The following DGLUCY variants were observed in gnomAD, a reference collection of about 807,000 sequenced individuals.
DGLUCY encodes D-glutamate cyclase, mitochondrial.
A neutral mutation model predicts 58.5 loss-of-function variants in DGLUCY; 58 were observed. That is an observed-to-expected ratio of 0.99 (90% confidence interval 0.80 to 1.23). The LOEUF (loss-of-function observed/expected upper bound fraction) is 1.23. DGLUCY is among the 50% of genes most tolerant of loss of function. The probability of loss-of-function intolerance (pLI) is 0.00; values close to 1 mark genes in which losing one functional copy is unlikely to be tolerated. For synonymous variants in DGLUCY, 325 were observed against 314.1 expected, an observed-to-expected ratio of 1.03 and a Z score of -0.37; for missense variants, 779 against 784.7, an observed-to-expected ratio of 0.99 and a Z score of 0.09.
intron 6 of DGLUCY, among the ~76,000 whole-genome samples, chr14:91,174,229 C>T (rs919962509): frequency 2.0e-5 from 3 of 151,658 alleles, no homozygotes; most frequent in Non-Finnish European, 2.9e-5. Flanking sequence ...AAGCTCCGCA[C>T]CCCTTCCCCC....
At chr14:91,200,930 G>T (rs1307059165) in intron 11 of DGLUCY, among the ~76,000 whole-genome samples, 1 of 151,336 alleles carries the variant, frequency 6.6e-6, no homozygotes, top group Non-Finnish European at 1.5e-5. Context: ...CGGGCAGGGG[G>T]TGGATCTCAC....
At chr14:91,196,113 G>A (rs147723236) in intron 9 of DGLUCY, among the ~76,000 whole-genome samples, 1 of 152,152 alleles carries the variant, frequency 6.6e-6, no homozygotes, top group Non-Finnish European at 1.5e-5. Context: ...GGTATTATGG[G>A]CATCTTACAT....
At chr14:91,119,748 A>T (rs2045238221) in intron 1 of DGLUCY, among the ~76,000 whole-genome samples, 1 of 152,180 alleles carries the variant, frequency 6.6e-6, no homozygotes, top group Non-Finnish European at 1.5e-5. Context: ...TGGGAGAGGC[A>T]GACCCGCCCT....
chr14:91,182,196 G>A (rs1451284204), intron 8 of DGLUCY, among the ~76,000 whole-genome samples: 1 of 152,164 alleles, frequency 6.6e-6, no homozygotes, highest in Non-Finnish European at 1.5e-5. Flanking sequence ...GGCCAGGCTG[G>A]TCTCGAACTC....
chr14:91,077,569 T>C (rs1199215405), intron 1 of DGLUCY, among the ~76,000 whole-genome samples: 2 of 151,766 alleles, frequency 1.3e-5, no homozygotes, highest in East Asian at 3.9e-4. Context: ...CTGGCCAACA[T>C]GGTGAAACCC....
chr14:91,216,516 C>T (rs1886540069), intron 13 of DGLUCY: 1 of 152,136 alleles, frequency 6.6e-6, no homozygotes, highest in African/African-American at 2.4e-5. Flanking sequence ...TGGTGGCATG[C>T]ACCTGTGGTC....
At chr14:91,154,290 T>G (rs533750267) in intron 1 of DGLUCY, among the ~76,000 whole-genome samples, 77 of 152,202 alleles carry the variant, frequency 5.1e-4, no homozygotes, top group Non-Finnish European at 8.1e-4. Flanking sequence ...ATACACAATT[T>G]CCATGTGAGA....
intron 3 of DGLUCY, among the ~76,000 whole-genome samples, chr14:91,164,361 G>A (rs1305965215): frequency 5.9e-5 from 9 of 152,210 alleles, no homozygotes; most frequent in Admixed American, 3.3e-4. Context: ...GGAGACAACC[G>A]TGATTAACTT....
chr14:91,194,202 G>A (rs948791476), intron 9 of DGLUCY, among the ~76,000 whole-genome samples: 1 of 152,178 alleles, frequency 6.6e-6, no homozygotes, highest in East Asian at 1.9e-4. Context: ...GTAGTCCTGG[G>A]AGGTGGGTGT....
intron 1 of DGLUCY, among the ~76,000 whole-genome samples, chr14:91,094,710 C>A (rs188826651): frequency 4.7e-4 from 71 of 151,752 alleles, no homozygotes; most frequent in African/African-American, 1.5e-3. Flanking sequence ...GTAATCCCAG[C>A]TACTCGGGAG....
intron 1 of DGLUCY, among the ~76,000 whole-genome samples, chr14:91,153,576 C>T (rs1298749734): frequency 6.6e-6 from 1 of 152,320 alleles, no homozygotes; most frequent in Non-Finnish European, 1.5e-5. Flanking sequence ...GGCTTGTCTT[C>T]TCTGAACTGA....
intron 8 of DGLUCY, among the ~76,000 whole-genome samples, chr14:91,186,256 C>A (rs571683659): frequency 4.6e-5 from 7 of 152,000 alleles, no homozygotes; most frequent in Non-Finnish European, 8.8e-5. Flanking sequence ...CCTCGCCCCC[C>A]CTTTTTTTGA....
At chr14:91,156,175 G>T (rs536854083) in intron 1 of DGLUCY, among the ~76,000 whole-genome samples, 7 of 151,212 alleles carry the variant, frequency 4.6e-5, no homozygotes, top group Admixed American at 2.6e-4. Flanking sequence ...GTGCAGTAGC[G>T]TGATCTCGGC....
chr14:91,157,215 G>GTGGA (rs1285466055), intron 1 of DGLUCY, among the ~76,000 whole-genome samples: 1 of 106,336 alleles, frequency 9.4e-6, no homozygotes, highest in African/African-American at 5.2e-5. Flanking sequence ...GAATGAATGG[G>GTGGA]TGGATGGATG....
chr14:91,141,371 T>TA (rs1009102126), intron 1 of DGLUCY, among the ~76,000 whole-genome samples: 148 of 135,372 alleles, frequency 1.1e-3, no homozygotes, highest in East Asian at 9.3e-3. Flanking sequence ...AGACGCCATC[T>TA]AAAAAAAAAA....
intron 1 of DGLUCY, among the ~76,000 whole-genome samples, chr14:91,143,963 T>A (rs2046877413): frequency 6.6e-6 from 1 of 152,164 alleles, no homozygotes; most frequent in African/African-American, 2.4e-5. Context: ...CATCCAGCTC[T>A]GTGCCACCGC....
intron 10 of DGLUCY, among the ~76,000 whole-genome samples, chr14:91,197,978 T>G (rs1595896105): frequency 6.6e-6 from 1 of 152,238 alleles, no homozygotes; most frequent in South Asian, 2.1e-4. Flanking sequence ...CTATTTTATA[T>G]AGCAGAGTTG....
chr14:91,172,694 C>A (rs928500472), intron 5 of DGLUCY, among the ~76,000 whole-genome samples: 10 of 151,406 alleles, frequency 6.6e-5, no homozygotes, highest in African/African-American at 2.4e-4. Context: ...TCACCCAGGC[C>A]GGAGTGCAAT....
upstream of DGLUCY, among the ~76,000 whole-genome samples, chr14:91,110,587 T>C (rs1484415121): frequency 6.6e-6 from 1 of 151,884 alleles, no homozygotes; most frequent in African/African-American, 2.4e-5. Flanking sequence ...CCCGCCACCA[T>C]GCCTGGATAA....
Sources: allele counts gnomAD v4.1 joint callset (sites outside exome capture counted in the v4.1 genomes callset), GRCh38; gene constraint gnomAD v4.1.1; transcripts MANE v1.5; gene names NCBI Gene and HGNC (gene_info 2026-07-23, HGNC 2026-07-21).